Variants in CP observed in about 807,000 individuals in gnomAD.
The protein encoded by CP is caeruloplasmin.
In CP, 64 loss-of-function variants were observed where a neutral mutation model predicts 122.4. The ratio of observed to expected loss-of-function variants is 0.52; its 90% CI spans 0.43 to 0.64. CP has a LOEUF of 0.64. Among genes scored for constraint, CP ranks in the 30% least tolerant of loss-of-function variants. CP has a pLI of 0.00. For missense variants in CP, 1,167 were observed against 1,284.4 expected (o/e 0.91, Z 1.40); for synonymous variants, 440 against 436.4 (o/e 1.01, Z -0.10).
intron 2 of CP, among the ~76,000 whole-genome samples, chr3:149,210,659 G>C (rs1323188566): frequency 6.6e-6 from 1 of 152,098 alleles, no homozygotes; most frequent in Admixed American, 6.5e-5. Flanking sequence ...CATGGTATGG[G>C]AGTCTGAGCA....
At chr3:149,186,407 C>T in intron 11 of CP, 113 bp downstream of exon 11, 1 of 1,006,540 alleles carries the variant, frequency 9.9e-7, no homozygotes, top group South Asian at 1.4e-5. Context: ...AGGAAGGGCA[C>T]TTCAGAGGCT....
At chr3:149,186,240 G>A (rs1369747690) in intron 11 of CP, 2 of 468,050 alleles carry the variant, frequency 4.3e-6, no homozygotes, top group East Asian at 4.1e-5. Flanking sequence ...ATCTTTAAAA[G>A]GACCATAATC....
At chr3:149,211,522 G>A (rs1270283782) in intron 2 of CP, among the ~76,000 whole-genome samples, 1 of 152,068 alleles carries the variant, frequency 6.6e-6, no homozygotes, top group Admixed American at 6.5e-5. Flanking sequence ...GAGATCACAG[G>A]CACCAAACCT....
chr3:149,162,614 T>G, exon 6 of CP: 11 of 1,432,330 alleles, frequency 7.7e-6, no homozygotes, highest in Non-Finnish European at 1.1e-5. Flanking sequence ...TGTGATGCTG[T>G]GATATTCAGC....
At chr3:149,193,030 C>A (rs987058247) in intron 9 of CP, among the ~76,000 whole-genome samples, 5 of 151,838 alleles carry the variant, frequency 3.3e-5, no homozygotes, top group South Asian at 2.1e-4. Context: ...AAAGAAATTT[C>A]TTTAACCCTT....
At chr3:149,171,287 A>AT (rs1186538956), downstream of CP, among the ~76,000 whole-genome samples, 5 of 152,286 alleles carry the variant, frequency 3.3e-5, no homozygotes, top group East Asian at 1.9e-4. Flanking sequence ...AAAAAAAAAA[A>AT]ATATATTGTT....
intron 6 of CP, among the ~76,000 whole-genome samples, chr3:149,203,134 C>T (rs746583874): frequency 6.6e-6 from 1 of 152,194 alleles, no homozygotes; most frequent in Non-Finnish European, 1.5e-5. Flanking sequence ...TCTCGATCTC[C>T]TGACCTCAGT....
rs188639920 is a variant in CP, at chr3:149,202,143, C to A, written c.1307G>T (p.Arg436Leu). ...REYTDASFTN[R>L]KERGPEEEHL... is the part of the protein sequence containing the mutation. ...CTCTTCTTCAGGGCCTCTCTCCTTT[C>A]GATTTGTGAAGGAGGCATCTGTGTA... The change falls in exon 7 of 19, where the codon CGA (arginine) becomes CTA (leucine). Residue 436 changes from arginine (R) to leucine (L), a missense_variant. Arg to Leu is a moderately radical substitution (Grantham distance 102). This residue lies in a region of CP where 642 missense variants were observed against 627.3 expected (regional missense o/e 1.02). Coordinates refer to ENST00000264613, the MANE Select transcript of CP (RefSeq NM_000096.4). The A allele has an allele frequency of 9.9e-6, 16 of 1,614,076 alleles. No individual in the cohort carries two copies. The Admixed American group carries it at 1.5e-4, about 15-fold the overall frequency.
chr3:149,208,296 G>A (rs964677697), intron 4 of CP, among the ~76,000 whole-genome samples: 1 of 152,066 alleles, frequency 6.6e-6, no homozygotes, highest in African/African-American at 2.4e-5. Flanking sequence ...TTAGTTCTGG[G>A]AAGAATCCTG....
intron 9 of CP, among the ~76,000 whole-genome samples, chr3:149,196,689 A>G (rs1251067270): frequency 6.6e-6 from 1 of 152,206 alleles, no homozygotes; most frequent in African/African-American, 2.4e-5. Flanking sequence ...GTGAATTGTA[A>G]CACACCACAT....
At chr3:149,189,858 T>TA (rs1391666263) in intron 9 of CP, among the ~76,000 whole-genome samples, 1 of 151,830 alleles carries the variant, frequency 6.6e-6, no homozygotes, top group Non-Finnish European at 1.5e-5. Flanking sequence ...GGACAAAAAG[T>TA]AAAAAAAGAA....
chr3:149,162,749 T>C (rs770885259), exon 6 of CP: 1 of 1,614,054 alleles, frequency 6.2e-7, no homozygotes, highest in South Asian at 1.1e-5. Context: ...TTTGGGAAGC[T>C]CAGCTAGTGG....
At chr3:149,214,789 A>G (rs1360373207) in intron 1 of CP, among the ~76,000 whole-genome samples, 1 of 152,244 alleles carries the variant, frequency 6.6e-6, no homozygotes, top group Non-Finnish European at 1.5e-5. Context: ...AAGAGTCTTA[A>G]TAAATATATG....
In CP at chr3:149,198,460, A is replaced by G. The variant is rs1460052691; in HGVS notation, c.1620T>C (p.Tyr540=). The change falls in exon 9 of 19, where the codon TAT becomes TAC. Residue 540 remains tyrosine, a synonymous_variant. Transcript: ENST00000264613. ...ADPVCLAKMY[Y]SAVEPTKDIF... Reference sequence around the variant, plus strand: ...TATCTTTAGTGGGTTCCACAGCAGAATAATACATCTTAGCTAGACACACAG... The same window carrying G: ...TATCTTTAGTGGGTTCCACAGCAGAGTAATACATCTTAGCTAGACACACAG... 6.2e-7 allele frequency: 1 copy of G among 1,613,266 alleles called. No individual in the cohort carries two copies. The highest frequency in any genetic ancestry group is 1.3e-5 in the African/African-American group (1 of 74,932).
Position 149,174,989 on chromosome 3 carries a change from T to C in CP, c.3182-1259A>G, listed in dbSNP as rs942722026. On this transcript the variant is annotated intron_variant, in intron 18 of 18. Coordinates refer to ENST00000264613, the MANE Select transcript of CP (RefSeq NM_000096.4). ...CTTAACCAAGCAGTAATCTCCCTCTTCTTTCACGGTTGTTACACAGGAGGA... is the reference window on the plus strand; with the variant it reads ...CTTAACCAAGCAGTAATCTCCCTCTCCTTTCACGGTTGTTACACAGGAGGA... Among the ~76,000 whole-genome samples the C allele has an allele frequency of 7.2e-5, 11 of 152,262 alleles. No homozygotes were observed. The South Asian group carries it at 1.0e-3, about 14-fold the overall frequency.
At chr3:149,207,762 A>G in intron 4 of CP, 145 bp from the exon 5 acceptor site, 1 of 813,816 alleles carries the variant, frequency 1.2e-6, no homozygotes, top group Non-Finnish European at 2.0e-6. Flanking sequence ...CATGTCAGAC[A>G]TTGCTAATCA....
downstream of CP, among the ~76,000 whole-genome samples, chr3:149,169,726 G>A (rs1724791164): frequency 6.6e-6 from 1 of 152,198 alleles, no homozygotes; most frequent in African/African-American, 2.4e-5. Flanking sequence ...ATTAAAATGG[G>A]TTAGTGGATG....
intron 8 of CP, among the ~76,000 whole-genome samples, chr3:149,199,479 A>G (rs1264353655): frequency 6.6e-6 from 1 of 152,212 alleles, no homozygotes; most frequent in Non-Finnish European, 1.5e-5. Context: ...ATACAACCCA[A>G]CTAAATTACT....
chr3:149,206,037 A>G, intron 6 of CP, 131 bp downstream of exon 6: 1 of 808,492 alleles, frequency 1.2e-6, no homozygotes, highest in Non-Finnish European at 2.0e-6. Context: ...AAATACCTTA[A>G]TAAATATTTA....
Sources: gnomAD v4.1 joint callset for allele counts (sites outside exome capture counted in the v4.1 genomes callset) on GRCh38, gnomAD v4.1.1 for gene constraint, gnomAD v4.1.1 regional missense constraint, MANE v1.5 for transcripts, NCBI Gene and HGNC (gene_info 2026-07-23, HGNC 2026-07-21) for gene names.